Variants in NBPF12 observed in about 807,000 individuals in gnomAD.
The protein encoded by NBPF12 is NBPF member 12, also known as NBPF family member NBPF12.
A neutral mutation model predicts 146.4 loss-of-function variants in NBPF12; 115 were observed. That is an observed-to-expected ratio of 0.79 (90% confidence interval 0.68 to 0.92). The LOEUF is 0.92. Among genes scored for constraint, NBPF12 ranks in the 40% least tolerant of loss-of-function variants. The pLI is 0.00. For synonymous variants in NBPF12, 385 were observed against 508.9 expected (o/e 0.76, Z 3.28); for missense variants, 1,205 against 1,326.8 (o/e 0.91, Z 1.43).
chr1:146,957,585 A>C (rs1389782984), intron 2 of NBPF12: 1 of 137,686 alleles, frequency 7.3e-6, no homozygotes, highest in African/African-American at 2.6e-5. Context: ...GGACGGTGGC[A>C]CAGATGGAAG....
At chr1:146,972,755 T>C (rs1656738654) in exon 14 of NBPF12, 3 of 1,288,848 alleles carry the variant, frequency 2.3e-6, no homozygotes, top group Non-Finnish European at 3.4e-6. Flanking sequence ...CCCCAGTCCC[T>C]GGCCCCACCT....
At position 146,978,297 on chromosome 1, in the gene NBPF12, C is replaced by T. The variant is rs1252961925; in HGVS notation, c.2398+626C>T. Among the ~76,000 whole-genome samples, 10 of 127,666 alleles carry T rather than the reference C, an allele frequency of 7.8e-5. No homozygotes were observed. In the South Asian group the frequency reaches 2.2e-3, roughly 28 times the overall value. The allele number at this position is 127,666 out of a possible 152,430, so 83.8% of individuals were successfully genotyped here. On this transcript the variant is annotated intron_variant, in intron 18 of 33. Transcript: ENST00000617844. ...TTTTTTTTTTTGCGATGGAGTCCTG[C>T]TCTGTCACCTAGGCTGGAGTGCAGT...
intron 23 of NBPF12, among the ~76,000 whole-genome samples, chr1:146,986,129 T>C (rs1657743548): frequency 6.6e-6 from 1 of 151,604 alleles, no homozygotes; most frequent in African/African-American, 2.4e-5. Context: ...TTCGCTGAGC[T>C]CACTTTCTCC....
At chr1:146,955,007 T>C (rs1655518494) in intron 2 of NBPF12, among the ~76,000 whole-genome samples, 1 of 77,070 alleles carries the variant, frequency 1.3e-5, no homozygotes, top group Non-Finnish European at 2.5e-5. Flanking sequence ...TATATATATA[T>C]ATATATACAC....
exon 18 of NBPF12, chr1:146,977,503 G>A (rs1289286802): frequency 1.2e-6 from 2 of 1,611,296 alleles, no homozygotes; most frequent in Non-Finnish European, 1.7e-6. Context: ...AGTCCCTGAG[G>A]ACTCACTGGA....
rs1411814328 is a variant in NBPF12 at position 146,955,013 on chromosome 1, T to TATATATAC, written c.-184+3525_-184+3526insTATATACA. 7.4e-4 allele frequency among the ~76,000 whole-genome samples: 50 copies of TATATATAC among 67,446 alleles called. 1 individual carries two copies. Among genetic ancestry groups the TATATATAC allele is most frequent in the Non-Finnish European group, 1.0e-3 (36 of 35,468 alleles). The allele number at this position is 67,446 out of a possible 152,430, so 44.2% of individuals were successfully genotyped here. A position where few individuals can be genotyped will look rare whatever the true frequency, so the allele number is the denominator to read the frequency against. ...ATATATATATATATATATATATATA[T>TATATATAC]ACACACACACACACATATATATATT... On this transcript the variant is annotated intron_variant, in intron 2 of 33. Transcript: ENST00000617844.
At chr1:146,977,180 C>G (rs1380958601) in intron 17 of NBPF12, among the ~76,000 whole-genome samples, 179 bp downstream of exon 20, 13 of 146,406 alleles carry the variant, frequency 8.9e-5, no homozygotes, top group Non-Finnish European at 3.0e-5. Context: ...CTATGTGTGC[C>G]GAGTGTCATG....
exon 12 of NBPF12, chr1:146,970,649 A>G (rs1656542251): frequency 6.6e-7 from 1 of 1,522,902 alleles, no homozygotes; most frequent in African/African-American, 1.4e-5. Flanking sequence ...ATTTATAGAA[A>G]ATGATGAAGA....
intron 14 of NBPF12, among the ~76,000 whole-genome samples, 161 bp downstream of exon 17, chr1:146,973,121 G>A (rs1656761736): frequency 6.6e-6 from 1 of 150,508 alleles, no homozygotes; most frequent in South Asian, 2.1e-4. Flanking sequence ...GGAAGACAGA[G>A]GTACCAAAGT....
At chr1:146,948,644 T>C (rs1408777536), upstream of NBPF12, among the ~76,000 whole-genome samples, 56 of 152,198 alleles carry the variant, frequency 3.7e-4, no homozygotes, top group African/African-American at 1.2e-3. Context: ...AAGCCAGGTA[T>C]TGTCCAAGGT....
chr1:146,994,241 A>T (rs1658379181), intron 33 of NBPF12, 91 bp from the exon 37 acceptor site: 5 of 1,608,266 alleles, frequency 3.1e-6, no homozygotes, highest in East Asian at 2.2e-5. Context: ...TTCTTTTCTA[A>T]CCACTTCCTT....
intron 16 of NBPF12, among the ~76,000 whole-genome samples, chr1:146,976,607 G>C (rs1480487334): frequency 4.7e-5 from 7 of 150,016 alleles, no homozygotes; most frequent in African/African-American, 1.8e-4. Context: ...CACCAAGCCT[G>C]TTCCTGGGAA....
Position 146,978,615 on chromosome 1 carries a change from C to T in NBPF12, c.2399-344C>T, listed in dbSNP as rs1462195281. Among the ~76,000 whole-genome samples, 7 of 151,954 alleles carry T rather than the reference C, an allele frequency of 4.6e-5. 1 individual carries two copies. Among genetic ancestry groups the T allele is most frequent in the East Asian group, 1.9e-4 (1 of 5,148 alleles). ...GATGCCTCTAAACATTTTATGTCCA[C>T]GTTACCTGGTGATATAAGTCCGTAT... On this transcript the variant is annotated intron_variant, in intron 18 of 33. Transcript: ENST00000617844.
At chr1:146,945,543 A>G (rs1480733891), upstream of NBPF12, among the ~76,000 whole-genome samples, 1 of 151,778 alleles carries the variant, frequency 6.6e-6, no homozygotes, top group East Asian at 1.9e-4. Context: ...AGGTTGGTGC[A>G]CTTCAATGCC....
exon 34 of NBPF12, chr1:146,995,253 A>C (rs1384764450): frequency 2.4e-5 from 3 of 125,158 alleles, no homozygotes; most frequent in Non-Finnish European, 4.8e-5. Flanking sequence ...AGCCGCTGGC[A>C]GGAGACAGCA....
At chr1:146,948,449 A>G (rs1299070230), upstream of NBPF12, among the ~76,000 whole-genome samples, 2 of 151,220 alleles carry the variant, frequency 1.3e-5, no homozygotes, top group Non-Finnish European at 2.9e-5. Flanking sequence ...CCTACCCCCA[A>G]CCCTGTGCTC....
chr1:146,945,219 C>G (rs1654998367), upstream of NBPF12, among the ~76,000 whole-genome samples: 2 of 151,428 alleles, frequency 1.3e-5, no homozygotes, highest in African/African-American at 4.9e-5. Flanking sequence ...CTGAAATCTA[C>G]ATTACTTATC....
chr1:146,952,397 A>C (rs1655363656), intron 2 of NBPF12, among the ~76,000 whole-genome samples: 1 of 152,090 alleles, frequency 6.6e-6, no homozygotes, highest in African/African-American at 2.4e-5. Flanking sequence ...TGTACTCTTC[A>C]AAACATAATT....
At chr1:146,984,326 T>G (rs1657579048) in intron 21 of NBPF12, 141 bp downstream of exon 24, 1 of 695,174 alleles carries the variant, frequency 1.4e-6, no homozygotes, top group Admixed American at 2.1e-5. Context: ...GTTTTTTGGT[T>G]CTCATTAGAG....
Sources: allele counts gnomAD v4.1 joint callset (sites outside exome capture counted in the v4.1 genomes callset), GRCh38; gene constraint gnomAD v4.1.1; transcripts MANE v1.5; gene names NCBI Gene and HGNC (gene_info 2026-07-23, HGNC 2026-07-21).